Variants in TSPAN16 observed in about 807,000 individuals in gnomAD.
The protein encoded by TSPAN16 is tetraspanin 16.
A neutral mutation model predicts 25.2 loss-of-function variants in TSPAN16; 23 were observed. That is an observed-to-expected ratio of 0.91 (90% CI 0.66 to 1.29). The LOEUF (loss-of-function observed/expected upper bound fraction) is 1.29, where lower values mean the gene tolerates loss of function less well. Among genes scored for constraint, TSPAN16 ranks in the 50% most tolerant of loss-of-function variants. The probability of loss-of-function intolerance (pLI) is 0.00; values close to 1 mark genes in which losing one functional copy is unlikely to be tolerated. For synonymous variants in TSPAN16, 123 were observed against 124.4 expected (o/e 0.99, Z 0.08); for missense variants, 272 against 299.9 (o/e 0.91, Z 0.69).
At chr19:11,313,323 C>A (rs770153775) in intron 6 of TSPAN16, among the ~76,000 whole-genome samples, 1 of 151,944 alleles carries the variant, frequency 6.6e-6, no homozygotes, top group African/African-American at 2.4e-5. Context: ...ACCAGCCTGA[C>A]GAACATGGTG....
chr19:11,298,124 C>G lies in TSPAN16; in HGVS notation c.70-18C>G. The G allele has an allele frequency of 1.2e-6, 2 of 1,613,194 alleles. No homozygotes were observed. The highest frequency in any genetic ancestry group is 1.7e-6 in the Non-Finnish European group (2 of 1,179,174). On this transcript the variant is annotated intron_variant, in intron 1 of 6. Transcript: ENST00000590327. ...ACTAACAGATTACTTTTCTTCCTTT[C>G]TGGTTTCTGTTCTAAAGGTGTCTGG...
At position 11,306,776 on chromosome 19, in the gene TSPAN16, G is replaced by A. The variant is rs757955478; in HGVS notation, c.603+20G>A. 6.2e-7 allele frequency: 1 copy of A among 1,611,504 alleles called. No individual in the cohort carries two copies. Among genetic ancestry groups the A allele is most frequent in the Non-Finnish European group, 8.5e-7 (1 of 1,178,214 alleles). Reference sequence around the variant, plus strand: ...CAGAAGGTAACTGGAGATTTTGTGTGTTGCCTTGACAGACCCCTGAGGGCT... The same window carrying A: ...CAGAAGGTAACTGGAGATTTTGTGTATTGCCTTGACAGACCCCTGAGGGCT... On this transcript the variant is annotated intron_variant, in intron 5 of 6. Transcript: ENST00000590327.
At chr19:11,296,898 G>A (rs537441638) in intron 1 of TSPAN16, among the ~76,000 whole-genome samples, 103 of 152,148 alleles carry the variant, frequency 6.8e-4, no homozygotes, top group African/African-American at 2.3e-3. Flanking sequence ...AAATTAGATG[G>A]GCGTGGTGGC....
chr19:11,319,727 G>C (rs1156737645), downstream of TSPAN16, among the ~76,000 whole-genome samples: 1 of 152,196 alleles, frequency 6.6e-6, no homozygotes. Flanking sequence ...ACCCTTTCTT[G>C]GGGAGGGGGG....
At chr19:11,322,671 A>G (rs1293280556) in intron 6 of TSPAN16, 2 of 152,238 alleles carry the variant, frequency 1.3e-5, no homozygotes, top group African/African-American at 4.8e-5. Context: ...TTTTTAGAAG[A>G]AACAAATGTT....
At chr19:11,316,160 C>A (rs2080748236), downstream of TSPAN16, among the ~76,000 whole-genome samples, 1 of 142,946 alleles carries the variant, frequency 7.0e-6, no homozygotes, top group Non-Finnish European at 1.5e-5. Flanking sequence ...TGCTGTGTTG[C>A]CAGGCTGGAG....
Position 11,298,178 on chromosome 19 carries a change from G to A in TSPAN16, c.106G>A (p.Gly36Ser), listed in dbSNP as rs2080500398. ...GIILVGLGIGGKCGGASLTNV... is the reference protein window; with the variant it reads ...GIILVGLGIGSKCGGASLTNV... Reference sequence around the variant, plus strand: ...CATCCTAGTTGGCCTGGGCATTGGTGGTAAATGTGGAGGGGCCTCTCTGAC... The same window carrying A: ...CATCCTAGTTGGCCTGGGCATTGGTAGTAAATGTGGAGGGGCCTCTCTGAC... Residue 36 changes from glycine (G) to serine (S), a missense_variant, in exon 2 of 7, where the codon GGT (glycine) becomes AGT (serine). Coordinates refer to ENST00000590327, the MANE Select transcript of TSPAN16 (RefSeq NM_001282509.2). 2 of 1,614,050 alleles carry A rather than the reference G, an allele frequency of 1.2e-6. No individual in the cohort carries two copies. Among genetic ancestry groups the A allele is most frequent in the East Asian group, 2.2e-5 (1 of 44,902 alleles).
At chr19:11,302,670 T>TACACACACACAC (rs1320979669) in intron 4 of TSPAN16, among the ~76,000 whole-genome samples, 1 of 117,760 alleles carries the variant, frequency 8.5e-6, no homozygotes, top group African/African-American at 5.8e-5. Flanking sequence ...CATATATATA[T>TACACACACACAC]ATATATATAC....
intron 5 of TSPAN16, among the ~76,000 whole-genome samples, chr19:11,308,519 G>A (rs1403597434): frequency 6.7e-6 from 1 of 149,432 alleles, no homozygotes; most frequent in African/African-American, 2.5e-5. Flanking sequence ...CGCCCAGGCT[G>A]GAGTGCAGTA....
chr19:11,305,141 CTCTT>C (rs1247511501), intron 4 of TSPAN16, among the ~76,000 whole-genome samples: 4 of 152,098 alleles, frequency 2.6e-5, no homozygotes, highest in African/African-American at 9.7e-5. Context: ...CAGAATGTCT[CTCTT>C]TCATTCATTC....
downstream of TSPAN16, among the ~76,000 whole-genome samples, chr19:11,317,018 G>T (rs111472254): frequency 4.5e-3 from 684 of 151,702 alleles, 2 homozygotes; most frequent in African/African-American, 0.015. Context: ...CACCAGGCTG[G>T]TCTCAAACTC....
chr19:11,299,329 G>A (rs1599326712), intron 3 of TSPAN16, among the ~76,000 whole-genome samples: 1 of 150,834 alleles, frequency 6.6e-6, no homozygotes, highest in South Asian at 2.1e-4. Context: ...TCCCCGCCAG[G>A]CACCCATGAT....
At chr19:11,304,412 G>C (rs377096791) in intron 4 of TSPAN16, among the ~76,000 whole-genome samples, 1 of 151,554 alleles carries the variant, frequency 6.6e-6, no homozygotes, top group Non-Finnish European at 1.5e-5. Flanking sequence ...GCGCAATCTC[G>C]GCTCACTGCA....
chr19:11,325,757 A>G (rs1179669626), intron 6 of TSPAN16, among the ~76,000 whole-genome samples: 2 of 152,038 alleles, frequency 1.3e-5, no homozygotes, highest in African/African-American at 4.8e-5. Flanking sequence ...GTAAAATGGG[A>G]ATGATGATCC....
downstream of TSPAN16, among the ~76,000 whole-genome samples, chr19:11,320,355 C>T (rs557326455): frequency 2.0e-5 from 3 of 152,218 alleles, no homozygotes; most frequent in South Asian, 6.2e-4. Flanking sequence ...CTCCTGACCT[C>T]AAGTGATCCT....
rs2080721779 is a variant in TSPAN16 at position 11,314,164 on chromosome 19, A to G, written c.688-1627A>G. On this transcript the variant is annotated intron_variant, in intron 6 of 6. Coordinates refer to ENST00000590327, the MANE Select transcript of TSPAN16 (RefSeq NM_001282509.2). ...AAGTCCATAGAAATAAAAGGTAGTT[A>G]GTGATTGCCAGGGACCAGAGGGTAC... Among the ~76,000 whole-genome samples, 2 of 152,202 alleles carry G rather than the reference A, an allele frequency of 1.3e-5. 1 individual carries two copies. The highest frequency in any genetic ancestry group is 4.1e-4 in the South Asian group (2 of 4,830).
intron 4 of TSPAN16, among the ~76,000 whole-genome samples, chr19:11,302,073 C>T (rs567649633): frequency 7.9e-5 from 12 of 152,226 alleles, no homozygotes; most frequent in Admixed American, 6.5e-4. Context: ...ATCCACCCGC[C>T]TTGGCATCCC....
chr19:11,309,365 C>T (rs2080665569), intron 5 of TSPAN16, among the ~76,000 whole-genome samples: 1 of 152,230 alleles, frequency 6.6e-6, no homozygotes, highest in Non-Finnish European at 1.5e-5. Context: ...AGACACTGGC[C>T]CACTGGGCCC....
intron 3 of TSPAN16, 172 bp from the exon 4 acceptor site, chr19:11,301,029 A>T (rs947374429): frequency 1.7e-6 from 1 of 582,674 alleles, no homozygotes; most frequent in Admixed American, 2.9e-5. Context: ...TGGTGGGGGC[A>T]CAGTAGCCTT....
Sources: allele counts gnomAD v4.1 joint callset (sites outside exome capture counted in the v4.1 genomes callset), GRCh38; gene constraint gnomAD v4.1.1; transcripts MANE v1.5; gene names NCBI Gene and HGNC (gene_info 2026-07-23, HGNC 2026-07-21).